RAB33A: variants seen among roughly 807,000 people sequenced by gnomAD.
RAB33A encodes RAB33A, member RAS oncogene family, also known as ras-related protein Rab-33A.
A neutral mutation model predicts 12.0 loss-of-function variants in RAB33A; 6 were observed. That is an observed-to-expected ratio of 0.50 (90% CI 0.27 to 0.99). The LOEUF is 0.99. Ranked by LOEUF, RAB33A falls within the 50% of genes least tolerant of loss-of-function variation. The pLI is 0.11. For synonymous variants in RAB33A, 70 were observed against 82.4 expected (o/e 0.85, Z 0.81); for missense variants, 109 against 192.0 (o/e 0.57, Z 2.55).
chrX:130,174,781 G>A (rs775017734), intron 1 of RAB33A, among the ~76,000 whole-genome samples: 5 of 110,981 alleles, frequency 4.5e-5, no homozygotes, highest in East Asian at 2.8e-4. Flanking sequence ...CCTGTGTCCC[G>A]GGGTAGCACA....
At chrX:130,124,941 A>T in the RAB33A span, among the ~76,000 whole-genome samples, 1 of 112,219 alleles carries the variant, frequency 8.9e-6, no homozygotes. Flanking sequence ...AGGAAGCAGC[A>T]GCTACTCAGA....
chrX:130,129,657 C>G, the RAB33A span: 2 of 1,168,632 alleles, frequency 1.7e-6, no homozygotes, highest in Non-Finnish European at 1.2e-6. Flanking sequence ...CAATAGGTCC[C>G]TAACTTACTC....
upstream of RAB33A, among the ~76,000 whole-genome samples, chrX:130,170,537 C>T (rs1217719748): frequency 8.9e-6 from 1 of 112,425 alleles, no homozygotes; most frequent in African/African-American, 3.2e-5. Context: ...CCAGTAAAGT[C>T]GATTTCAAAC....
the RAB33A span, among the ~76,000 whole-genome samples, chrX:130,135,293 G>A: frequency 9.2e-6 from 1 of 109,258 alleles, no homozygotes; most frequent in African/African-American, 3.3e-5. Flanking sequence ...CACCATGTTA[G>A]CCAGGCTGGT....
At chrX:130,181,007 CAA>C (rs60085312) in intron 1 of RAB33A, among the ~76,000 whole-genome samples, 13 of 8,124 alleles carry the variant, frequency 1.6e-3, no homozygotes, top group Middle Eastern at 0.18. Flanking sequence ...CAGTCCATCT[CAA>C]AAAAAAAAAA....
At chrX:130,182,100 C>T (rs113370246) in intron 1 of RAB33A, among the ~76,000 whole-genome samples, 4,976 of 84,293 alleles carry the variant, frequency 0.059, 457 homozygotes, top group African/African-American at 0.22. Flanking sequence ...GCCAAGAGTT[C>T]GAGACTAGCC....
At chrX:130,171,655 C>T (rs754196992), upstream of RAB33A, 255 of 152,715 alleles carry the variant, frequency 1.7e-3, no homozygotes, top group African/African-American at 7.2e-3. Context: ...CCCTCGGGTC[C>T]GTCCCGGGAA....
the RAB33A span, among the ~76,000 whole-genome samples, chrX:130,120,499 T>G: frequency 8.9e-6 from 1 of 111,936 alleles, no homozygotes; most frequent in East Asian, 2.8e-4. Flanking sequence ...AAGTTTCCAT[T>G]CTACTGCCTG....
At chrX:130,113,587 C>T in the RAB33A span, among the ~76,000 whole-genome samples, 1 of 110,219 alleles carries the variant, frequency 9.1e-6, no homozygotes, top group South Asian at 3.9e-4. Context: ...CCACACCTGG[C>T]TAATTTTTGT....
chrX:130,120,764 C>G, the RAB33A span, among the ~76,000 whole-genome samples: 1 of 112,118 alleles, frequency 8.9e-6, no homozygotes. Flanking sequence ...GGCTGGTGGC[C>G]TTTTTCTCGC....
chrX:130,149,329 G>A, the RAB33A span: 1 of 549,351 alleles, frequency 1.8e-6, no homozygotes, highest in Non-Finnish European at 3.2e-6. Context: ...CAGTTCTAGG[G>A]TAATACCATA....
chrX:130,146,881 G>A, the RAB33A span, among the ~76,000 whole-genome samples: 2 of 112,390 alleles, frequency 1.8e-5, no homozygotes, highest in African/African-American at 6.5e-5. Flanking sequence ...AGAAGTGATG[G>A]CTGGGGGCAG....
the RAB33A span, among the ~76,000 whole-genome samples, chrX:130,118,522 C>G: frequency 8.9e-6 from 1 of 112,763 alleles, no homozygotes; most frequent in African/African-American, 3.2e-5. Context: ...ACCCTGCCCC[C>G]ACATCGGGGT....
the RAB33A span, among the ~76,000 whole-genome samples, chrX:130,133,098 T>C: frequency 4.7e-3 from 529 of 111,908 alleles, 5 homozygotes; most frequent in African/African-American, 0.017. Context: ...TTTTCTCTTT[T>C]AATGTTTTAC....
At chrX:130,136,119 C>T in the RAB33A span, 1 of 1,211,854 alleles carries the variant, frequency 8.3e-7, no homozygotes, top group African/African-American at 1.7e-5. Context: ...ATTTCCAGGC[C>T]ACCAGTCTTG....
the RAB33A span, among the ~76,000 whole-genome samples, chrX:130,119,181 C>T: frequency 9.0e-6 from 1 of 110,689 alleles, no homozygotes; most frequent in South Asian, 3.9e-4. Flanking sequence ...AGGCACCAGA[C>T]CCTGGGATCG....
the RAB33A span, chrX:130,155,396 T>C: frequency 1.0e-6 from 1 of 964,898 alleles, no homozygotes; most frequent in Non-Finnish European, 1.4e-6. Flanking sequence ...TACCCTGTGC[T>C]AAAAAAGGAA....
chrX:130,140,447 G>A, the RAB33A span: 1 of 798,567 alleles, frequency 1.3e-6, no homozygotes, highest in Non-Finnish European at 1.9e-6. Flanking sequence ...ATTTTCTTAA[G>A]TAGTAATGCC....
the RAB33A span, among the ~76,000 whole-genome samples, chrX:130,153,193 A>T: frequency 2.1e-4 from 22 of 104,585 alleles, no homozygotes; most frequent in Non-Finnish European, 2.0e-5. Flanking sequence ...AAAAAAAAAA[A>T]AAAAAAATTA....
Sources: gnomAD v4.1 joint callset for allele counts (sites outside exome capture counted in the v4.1 genomes callset) on GRCh38, gnomAD v4.1.1 for gene constraint, MANE v1.5 for transcripts, NCBI Gene and HGNC (gene_info 2026-07-23, HGNC 2026-07-21) for gene names.